Variants in CDH12 observed in about 807,000 individuals in gnomAD.
CDH12 encodes the protein cadherin-12.
In CDH12, 41 loss-of-function variants were observed where a neutral mutation model predicts 74.1. The observed-to-expected ratio is 0.55, with a 90% confidence interval of 0.43 to 0.72. The LOEUF is 0.72. CDH12 is among the 30% of genes least tolerant of loss of function. The pLI, the probability that CDH12 is intolerant of heterozygous loss-of-function variation, is 0.00. For missense variants in CDH12, 945 were observed against 977.2 expected (o/e 0.97, Z 0.44); for synonymous variants, 399 against 355.0 (o/e 1.12, Z -1.39).
intron 10 of CDH12, among the ~76,000 whole-genome samples, chr5:21,798,203 A>G (rs1746898934): frequency 6.6e-6 from 1 of 151,942 alleles, no homozygotes; most frequent in East Asian, 1.9e-4. Flanking sequence ...TTACCAAGGC[A>G]GCAGATTTTG....
chr5:22,436,019 A>G (rs1366363173), intron 2 of CDH12, among the ~76,000 whole-genome samples: 1 of 151,726 alleles, frequency 6.6e-6, no homozygotes, highest in Non-Finnish European at 1.5e-5. Context: ...GAATCAACCC[A>G]TATGTCCAAC....
intron 6 of CDH12, among the ~76,000 whole-genome samples, chr5:21,880,184 G>C (rs965853549): frequency 1.3e-5 from 2 of 152,182 alleles, no homozygotes; most frequent in African/African-American, 2.4e-5. Context: ...AGTTTGAATA[G>C]CAGTTTTGTT....
chr5:22,047,533 C>G (rs1045374468), intron 5 of CDH12, among the ~76,000 whole-genome samples: 1 of 151,960 alleles, frequency 6.6e-6, no homozygotes, highest in Admixed American at 6.6e-5. Context: ...AACACCCCCC[C>G]CCACATCCAT....
At chr5:22,193,052 C>G (rs1268226766) in intron 4 of CDH12, among the ~76,000 whole-genome samples, 1 of 152,176 alleles carries the variant, frequency 6.6e-6, no homozygotes, top group Admixed American at 6.5e-5. Context: ...TTTAGTAAGA[C>G]ACTCAGGTTA....
intron 6 of CDH12, among the ~76,000 whole-genome samples, chr5:21,905,363 C>T (rs181688507): frequency 3.9e-5 from 6 of 152,260 alleles, no homozygotes; most frequent in Admixed American, 1.3e-4. Flanking sequence ...AATTTTAGCA[C>T]GAACTTTTGA....
intron 5 of CDH12, among the ~76,000 whole-genome samples, chr5:22,075,862 T>C (rs1000303595): frequency 6.6e-6 from 1 of 152,124 alleles, no homozygotes; most frequent in Non-Finnish European, 1.5e-5. Flanking sequence ...CTCTGAGTTC[T>C]ATATTATTTA....
At chr5:22,503,885 A>C (rs1156570854) in intron 2 of CDH12, among the ~76,000 whole-genome samples, 1 of 151,958 alleles carries the variant, frequency 6.6e-6, no homozygotes, top group African/African-American at 2.4e-5. Context: ...ATTATTCATT[A>C]TTCATATTTG....
At chr5:22,461,856 G>A (rs375869419) in intron 2 of CDH12, among the ~76,000 whole-genome samples, 5 of 149,710 alleles carry the variant, frequency 3.3e-5, no homozygotes, top group Non-Finnish European at 5.9e-5. Context: ...AATGTTATAT[G>A]AGCATATGAA....
chr5:22,230,552 A>C (rs902894938), intron 3 of CDH12, among the ~76,000 whole-genome samples: 2 of 149,956 alleles, frequency 1.3e-5, no homozygotes, highest in African/African-American at 2.5e-5. Context: ...ACTCACGGCA[A>C]CCTCCACCTC....
intron 4 of CDH12, among the ~76,000 whole-genome samples, chr5:22,115,549 T>C (rs1472107601): frequency 2.6e-5 from 4 of 152,180 alleles, no homozygotes; most frequent in Non-Finnish European, 4.4e-5. Flanking sequence ...GGCTATAGTA[T>C]TATGTGATGC....
At chr5:22,297,884 T>C (rs988333733) in intron 3 of CDH12, among the ~76,000 whole-genome samples, 7 of 152,066 alleles carry the variant, frequency 4.6e-5, no homozygotes, top group African/African-American at 1.7e-4. Context: ...TAAATTTACA[T>C]ACTTAATGAA....
intron 5 of CDH12, among the ~76,000 whole-genome samples, chr5:21,979,017 CAT>C (rs1757191561): frequency 6.6e-6 from 1 of 152,088 alleles, no homozygotes; most frequent in Admixed American, 6.6e-5. Flanking sequence ...AAAAAGAACT[CAT>C]AGTCTTTTCC....
chr5:21,752,178 G>C lies in CDH12; in HGVS notation c.1944C>G (p.Thr648=). 1 of 1,613,456 alleles carries C rather than the reference G, an allele frequency of 6.2e-7. No individual in the cohort carries two copies. The highest frequency in any genetic ancestry group is 8.5e-7 in the Non-Finnish European group (1 of 1,179,470). ...RRQKKKDTLM[T]SKEDIRDNVI... Reference sequence around the variant, plus strand: ...CGTTGTCTCTGATGTCTTCTTTAGAGGTCATCAGGGTGTCTTTTTTCTTCT... The same window carrying C: ...CGTTGTCTCTGATGTCTTCTTTAGACGTCATCAGGGTGTCTTTTTTCTTCT... The change falls in exon 15 of 15, where the codon ACC becomes ACG. Residue 648 remains threonine, a synonymous_variant. Coordinates refer to ENST00000382254, the MANE Select transcript of CDH12 (RefSeq NM_004061.5).
chr5:22,202,783 T>G (rs1272137917), intron 4 of CDH12, among the ~76,000 whole-genome samples: 6 of 152,196 alleles, frequency 3.9e-5, no homozygotes, highest in Non-Finnish European at 8.8e-5. Context: ...GATTTATAAC[T>G]TTGCCAAATT....
At position 21,856,808 on chromosome 5, in the gene CDH12, C is replaced by A. The variant is rs956422816; in HGVS notation, c.527-2018G>T. Among the ~76,000 whole-genome samples the A allele has an allele frequency of 1.4e-4, 22 of 151,800 alleles. 1 individual carries two copies. Among genetic ancestry groups the A allele is most frequent in the Non-Finnish European group, 2.9e-5 (2 of 67,860 alleles). On this transcript the variant is annotated intron_variant, in intron 6 of 14. Coordinates refer to ENST00000382254, the MANE Select transcript of CDH12 (RefSeq NM_004061.5). ...CACTTTGTGCTACTTAAAAGGATCA[C>A]TGGATAGCAAGAATAACTGCATTCC...
At position 22,259,966 on chromosome 5, in the gene CDH12, C is replaced by T. The variant is rs538098994; in HGVS notation, c.-332-47323G>A. ...CCATACTGAAGAAAAAGGGCAAAAG[C>T]GTAATTAAAAACATGTAATTGGAAA... On this transcript the variant is annotated intron_variant, in intron 3 of 14. Coordinates refer to ENST00000382254, the MANE Select transcript of CDH12 (RefSeq NM_004061.5). Among the ~76,000 whole-genome samples the T allele has an allele frequency of 8.6e-5, 13 of 151,954 alleles. No homozygotes were observed. The East Asian group carries it at 1.4e-3, about 16-fold the overall frequency.
intron 1 of CDH12, among the ~76,000 whole-genome samples, chr5:22,531,922 A>G (rs909493339): frequency 6.6e-6 from 1 of 152,118 alleles, no homozygotes; most frequent in African/African-American, 2.4e-5. Flanking sequence ...TGGAGACTGC[A>G]ACGGAGAGTC....
At chr5:22,799,571 G>C (rs1748404365) in intron 1 of CDH12, among the ~76,000 whole-genome samples, 1 of 152,142 alleles carries the variant, frequency 6.6e-6, no homozygotes, top group African/African-American at 2.4e-5. Context: ...ATTTCAGTGA[G>C]AGAACTTTTA....
intron 3 of CDH12, among the ~76,000 whole-genome samples, chr5:22,240,918 A>C (rs541063488): frequency 6.6e-6 from 1 of 152,282 alleles, no homozygotes; most frequent in South Asian, 2.1e-4. Flanking sequence ...AAAAAGCAGA[A>C]GACAGAGGAG....
Sources: gnomAD v4.1 joint callset for allele counts (sites outside exome capture counted in the v4.1 genomes callset) on GRCh38, gnomAD v4.1.1 for gene constraint, MANE v1.5 for transcripts, NCBI Gene and HGNC (gene_info 2026-07-23, HGNC 2026-07-21) for gene names.